NCAM2: variants seen among roughly 807,000 people sequenced by gnomAD.
NCAM2 encodes the protein neural cell adhesion molecule 2.
In NCAM2, 30 loss-of-function variants were observed where a neutral mutation model predicts 98.1. The ratio of observed to expected loss-of-function variants is 0.31; its 90% CI spans 0.23 to 0.41. The LOEUF (loss-of-function observed/expected upper bound fraction) is 0.41. Ranked by LOEUF, NCAM2 falls within the 10% of genes least tolerant of loss-of-function variation. NCAM2 has a pLI of 1.00. For missense variants in NCAM2, 867 were observed against 1,005.8 expected (o/e 0.86, Z 1.87); for synonymous variants, 368 against 342.4 (o/e 1.07, Z -0.83).
At chr21:21,235,434 C>T (rs990313831) in intron 1 of NCAM2, among the ~76,000 whole-genome samples, 12 of 151,820 alleles carry the variant, frequency 7.9e-5, no homozygotes, top group Admixed American at 1.3e-4. Context: ...GACCAGCATT[C>T]GAAAAAATAT....
At chr21:21,435,809 C>A (rs571756573) in intron 12 of NCAM2, among the ~76,000 whole-genome samples, 137 of 152,206 alleles carry the variant, frequency 9.0e-4, no homozygotes, top group African/African-American at 3.2e-3. Flanking sequence ...CACTTTATAT[C>A]TCAAATGGTG....
At chr21:21,182,526 T>C (rs1335163625) in intron 1 of NCAM2, among the ~76,000 whole-genome samples, 1 of 152,206 alleles carries the variant, frequency 6.6e-6, no homozygotes, top group Admixed American at 6.5e-5. Context: ...TATTCATCTC[T>C]ATTATCCCAG....
At chr21:21,172,977 T>C (rs1387647326) in intron 1 of NCAM2, among the ~76,000 whole-genome samples, 2 of 152,178 alleles carry the variant, frequency 1.3e-5, no homozygotes, top group Non-Finnish European at 2.9e-5. Flanking sequence ...CCTGTAATAT[T>C]ATTTATGAGA....
chr21:21,312,726 G>C (rs923112198), intron 5 of NCAM2, among the ~76,000 whole-genome samples: 1 of 151,614 alleles, frequency 6.6e-6, no homozygotes, highest in Non-Finnish European at 1.5e-5. Flanking sequence ...ATAATGCTGT[G>C]TTCATAAAAA....
At chr21:21,532,947 T>A (rs1989787949) in intron 16 of NCAM2, among the ~76,000 whole-genome samples, 1 of 152,048 alleles carries the variant, frequency 6.6e-6, no homozygotes, top group Non-Finnish European at 1.5e-5. Context: ...GCTAAAAAAG[T>A]TTATTCACTT....
At chr21:21,290,330 CCT>C (rs1870252537) in intron 4 of NCAM2, among the ~76,000 whole-genome samples, 1 of 151,760 alleles carries the variant, frequency 6.6e-6, no homozygotes, top group South Asian at 2.1e-4. Context: ...TTTATAATTG[CCT>C]CTCATCTAAA....
chr21:21,070,967 C>T (rs769015566), intron 1 of NCAM2, among the ~76,000 whole-genome samples: 31 of 152,062 alleles, frequency 2.0e-4, no homozygotes, highest in Non-Finnish European at 3.7e-4. Context: ...TAACATTAAA[C>T]AGAAGGAAAA....
intron 15 of NCAM2, among the ~76,000 whole-genome samples, chr21:21,495,058 G>T: frequency 6.6e-6 from 1 of 151,878 alleles, no homozygotes; most frequent in South Asian, 2.1e-4. Context: ...TTTTACACAA[G>T]ATTGTTCTAA....
chr21:21,498,853 A>C (rs1987431212), intron 15 of NCAM2, among the ~76,000 whole-genome samples: 1 of 152,224 alleles, frequency 6.6e-6, no homozygotes, highest in Non-Finnish European at 1.5e-5. Context: ...TAATGATCAC[A>C]AAAACGTAAT....
At chr21:21,396,417 C>G (rs1412803848) in intron 9 of NCAM2, among the ~76,000 whole-genome samples, 3 of 152,158 alleles carry the variant, frequency 2.0e-5, no homozygotes, top group Non-Finnish European at 4.4e-5. Context: ...GGGATGTAGA[C>G]TAGTAACACT....
At chr21:21,235,326 G>A (rs1313256980) in intron 1 of NCAM2, among the ~76,000 whole-genome samples, 2 of 151,902 alleles carry the variant, frequency 1.3e-5, no homozygotes, top group Non-Finnish European at 2.9e-5. Context: ...AAATGTTACA[G>A]GAATTTTGCA....
At chr21:21,389,420 A>G (rs1328065133) in intron 9 of NCAM2, among the ~76,000 whole-genome samples, 1 of 152,234 alleles carries the variant, frequency 6.6e-6, no homozygotes, top group Non-Finnish European at 1.5e-5. Flanking sequence ...GAGTAGGGAC[A>G]CAGCTAAACC....
At chr21:21,467,394 A>G (rs1983829878) in intron 13 of NCAM2, among the ~76,000 whole-genome samples, 1 of 140,906 alleles carries the variant, frequency 7.1e-6, no homozygotes, top group Admixed American at 7.0e-5. Context: ...ATATATATAT[A>G]TATATCGTTG....
intron 12 of NCAM2, among the ~76,000 whole-genome samples, chr21:21,451,670 A>G (rs1481807240): frequency 6.6e-6 from 1 of 152,152 alleles, no homozygotes; most frequent in Non-Finnish European, 1.5e-5. Flanking sequence ...AACATTAAAG[A>G]CAAAAGGGAA....
chr21:21,444,096 G>C (rs1979724578), intron 12 of NCAM2, among the ~76,000 whole-genome samples: 1 of 152,008 alleles, frequency 6.6e-6, no homozygotes, highest in Non-Finnish European at 1.5e-5. Flanking sequence ...AGATTATCGT[G>C]GTTTTTGTCA....
At chr21:21,167,767 A>G (rs1299840076) in intron 1 of NCAM2, among the ~76,000 whole-genome samples, 1 of 152,172 alleles carries the variant, frequency 6.6e-6, no homozygotes, top group African/African-American at 2.4e-5. Context: ...AGAACTCACA[A>G]AAGAAACAGA....
At chr21:21,233,997 G>A in intron 1 of NCAM2, among the ~76,000 whole-genome samples, 1 of 151,702 alleles carries the variant, frequency 6.6e-6, no homozygotes, top group Non-Finnish European at 1.5e-5. Flanking sequence ...CTCTATTTAA[G>A]AGCGTATAAA....
chr21:21,420,780 A>G (rs2145969412), intron 11 of NCAM2, among the ~76,000 whole-genome samples: 1 of 152,002 alleles, frequency 6.6e-6, no homozygotes, highest in Admixed American at 6.6e-5. Flanking sequence ...GAATTGATGG[A>G]AGAAGGCAGG....
chr21:21,268,937 A>G (rs1047716527), intron 1 of NCAM2, among the ~76,000 whole-genome samples: 9 of 152,160 alleles, frequency 5.9e-5, no homozygotes, highest in East Asian at 1.9e-4. Context: ...TCCTTCAGAA[A>G]CAAATAAACC....
Sources: gnomAD v4.1 joint callset for allele counts (sites outside exome capture counted in the v4.1 genomes callset) on GRCh38, gnomAD v4.1.1 for gene constraint, MANE v1.5 for transcripts, NCBI Gene and HGNC (gene_info 2026-07-23, HGNC 2026-07-21) for gene names.